The following ROBO2 variants were observed in gnomAD, a reference collection of about 807,000 sequenced individuals.
ROBO2 encodes roundabout homolog 2.
ROBO2 carries 53 observed loss-of-function variants against 160.8 expected under a neutral mutation model. The ratio of observed to expected loss-of-function variants is 0.33; its 90% confidence interval spans 0.26 to 0.41. The LOEUF (loss-of-function observed/expected upper bound fraction) is 0.41, where lower values mean the gene tolerates loss of function less well. ROBO2 is among the 10% of genes least tolerant of loss of function. ROBO2 has a pLI of 1.00. For synonymous variants in ROBO2, 664 were observed against 611.7 expected, an observed-to-expected ratio of 1.09 and a Z score of -1.26; for missense variants, 1,577 against 1,722.4, an observed-to-expected ratio of 0.92 and a Z score of 1.49.
rs1224299129 is a variant in ROBO2 at position 77,219,483 on chromosome 3, T to TAA, written c.388+121144_388+121145dup. Among the ~76,000 whole-genome samples the TAA allele has an allele frequency of 4.6e-5, 5 of 109,312 alleles. No individual in the cohort carries two copies. The East Asian group carries it at 7.3e-4, about 16-fold the overall frequency. 71.7% of individuals were successfully genotyped at this position (109,312 alleles called of 152,430 possible). ...ATGTATCTGTGTATATATATATATA[T>TAA]AATCTGTATATATATATATATATAT... On this transcript the variant is annotated intron_variant, in intron 2 of 25. Coordinates refer to ENST00000461745, the Ensembl canonical transcript of ROBO2.
chr3:76,940,126 C>T lies in ROBO2; in HGVS notation c.110-157888C>T, dbSNP rs571419270. The stretch of plus-strand genomic sequence containing the variant: ...CCTCCCGAGTAGCTGGGAATACAGG[C>T]GCCCGCCACCACGCCCGGGTAATTT... On this transcript the variant is annotated intron_variant, in intron 2 of 26. Coordinates refer to the ROBO2 transcript ENST00000487694. Among the ~76,000 whole-genome samples the T allele has an allele frequency of 1.6e-3, 241 of 152,034 alleles. 1 individual carries two copies. Among genetic ancestry groups the T allele is most frequent in the African/African-American group, 5.2e-3 (217 of 41,486 alleles).
At chr3:76,108,647 G>A (rs1021046583) in intron 2 of ROBO2, among the ~76,000 whole-genome samples, 3 of 151,592 alleles carry the variant, frequency 2.0e-5, no homozygotes, top group African/African-American at 7.3e-5. Context: ...ATGAAGAAGT[G>A]AGAATAATAT....
In ROBO2 at chr3:77,040,592, A is replaced by G; in HGVS notation, c.-194A>G. 4.2e-6 allele frequency: 6 copies of G among 1,440,450 alleles called. No homozygotes were observed. The South Asian group carries it at 7.5e-5, about 18-fold the overall frequency. The allele number at this position is 1,440,450 out of a possible 1,614,324, so 89.2% of individuals were successfully genotyped here. A position where few individuals can be genotyped will look rare whatever the true frequency, so the allele number is the denominator to read the frequency against. On this transcript the variant is annotated 5_prime_UTR_variant, in exon 1 of 26. An upstream start codon of the reference 5' UTR is lost. Coordinates refer to ENST00000461745, the Ensembl canonical transcript of ROBO2. ...TTTGAAGTACCCTCTGTTAATTTGGATGGATCTCAGTGTGCCCCGTTCGAG... is the reference window on the plus strand; with the variant it reads ...TTTGAAGTACCCTCTGTTAATTTGGGTGGATCTCAGTGTGCCCCGTTCGAG...
intron 2 of ROBO2, among the ~76,000 whole-genome samples, chr3:76,793,384 T>C (rs569846033): frequency 2.2e-4 from 33 of 151,844 alleles, no homozygotes; most frequent in Non-Finnish European, 3.8e-4. Context: ...TGAACGGCGT[T>C]AGCTTTGGTC....
chr3:75,939,167 T>C (rs78937068), intron 2 of ROBO2, among the ~76,000 whole-genome samples: 2 of 152,148 alleles, frequency 1.3e-5, no homozygotes, highest in Non-Finnish European at 2.9e-5. Flanking sequence ...ATGAGTTGTT[T>C]ATTTCTCTGG....
At chr3:76,571,779 A>G (rs1182934791) in intron 2 of ROBO2, among the ~76,000 whole-genome samples, 2 of 152,124 alleles carry the variant, frequency 1.3e-5, no homozygotes, top group East Asian at 3.9e-4. Flanking sequence ...AGGAAAAAAA[A>G]TGTCACATTT....
chr3:76,110,468 G>C (rs546815883), intron 2 of ROBO2, among the ~76,000 whole-genome samples: 1 of 152,210 alleles, frequency 6.6e-6, no homozygotes, highest in East Asian at 1.9e-4. Context: ...TATTTGTTGA[G>C]CTGACATGAA....
At chr3:76,553,925 G>A (rs2083560844) in intron 2 of ROBO2, among the ~76,000 whole-genome samples, 1 of 152,160 alleles carries the variant, frequency 6.6e-6, no homozygotes, top group Non-Finnish European at 1.5e-5. Flanking sequence ...AGTAGCAGAG[G>A]CAATTATGCC....
At chr3:76,433,797 T>C (rs76326344) in intron 2 of ROBO2, among the ~76,000 whole-genome samples, 3,804 of 152,320 alleles carry the variant, frequency 0.025, 78 homozygotes, top group South Asian at 0.1. Context: ...ATCGATTGAG[T>C]TGAACCATTT....
chr3:77,236,590 TAGGCATTCTATGGACTTGGATAA>T (rs878936572), intron 2 of ROBO2, among the ~76,000 whole-genome samples: 1 of 152,196 alleles, frequency 6.6e-6, no homozygotes, highest in Admixed American at 6.5e-5. Context: ...TATTGGTTGG[TAGGCATTCTATGGACTTGGATAA>T]ATGCATAATG....
intron 6 of ROBO2, among the ~76,000 whole-genome samples, chr3:77,538,266 C>T (rs1345253957): frequency 6.7e-6 from 1 of 148,900 alleles, no homozygotes; most frequent in African/African-American, 2.5e-5. Flanking sequence ...GCAAGCTCCG[C>T]CTCCCGGGTT....
At chr3:76,587,446 A>C (rs898829196) in intron 2 of ROBO2, among the ~76,000 whole-genome samples, 22 of 152,148 alleles carry the variant, frequency 1.4e-4, no homozygotes, top group African/African-American at 4.8e-4. Flanking sequence ...GAAACTTACA[A>C]TTGTGGTGGA....
intron 2 of ROBO2, among the ~76,000 whole-genome samples, chr3:76,900,585 T>A (rs888093650): frequency 1.3e-5 from 2 of 152,202 alleles, no homozygotes; most frequent in African/African-American, 2.4e-5. Context: ...ATTGGAAAAC[T>A]CCCATAAGGG....
At chr3:77,640,307 G>A (rs535496343) in intron 24 of ROBO2, among the ~76,000 whole-genome samples, 1 of 151,990 alleles carries the variant, frequency 6.6e-6, no homozygotes, top group Admixed American at 6.6e-5. Flanking sequence ...TAGAGACGGG[G>A]TTTCACTGTG....
At chr3:77,460,838 A>T (rs893746034) in intron 2 of ROBO2, among the ~76,000 whole-genome samples, 3 of 152,190 alleles carry the variant, frequency 2.0e-5, no homozygotes, top group Non-Finnish European at 4.4e-5. Flanking sequence ...GCTGATAGCT[A>T]ATTTCCCATA....
At chr3:77,123,858 T>C (rs1171038794) in intron 2 of ROBO2, among the ~76,000 whole-genome samples, 1 of 149,110 alleles carries the variant, frequency 6.7e-6, no homozygotes, top group Non-Finnish European at 1.5e-5. Flanking sequence ...TCTATATAGA[T>C]ACATAGATAC....
chr3:76,548,526 G>A (rs2083241762), intron 2 of ROBO2, among the ~76,000 whole-genome samples: 1 of 152,134 alleles, frequency 6.6e-6, no homozygotes, highest in African/African-American at 2.4e-5. Flanking sequence ...GGTGTGAAGA[G>A]TGGGCATTCT....
At chr3:76,581,681 A>T (rs2108735323) in intron 2 of ROBO2, among the ~76,000 whole-genome samples, 1 of 152,124 alleles carries the variant, frequency 6.6e-6, no homozygotes, top group East Asian at 1.9e-4. Context: ...AGAAGAAAAG[A>T]TACTGTTCAG....
chr3:76,806,340 C>T (rs1209611235), intron 2 of ROBO2, among the ~76,000 whole-genome samples: 3 of 151,508 alleles, frequency 2.0e-5, no homozygotes, highest in East Asian at 1.9e-4. Context: ...AACAGAAGTA[C>T]GTCCTGATTA....
Sources: gnomAD v4.1 joint callset for allele counts (sites outside exome capture counted in the v4.1 genomes callset) on GRCh38, gnomAD v4.1.1 for gene constraint, MANE v1.5 for transcripts, NCBI Gene and HGNC (gene_info 2026-07-23, HGNC 2026-07-21) for gene names.